The following LRFN2 variants were observed in gnomAD, a reference collection of about 807,000 sequenced individuals.
LRFN2 encodes the protein leucine-rich repeat and fibronectin type-III domain-containing protein 2.
LRFN2 carries 18 observed loss-of-function variants against 37.3 expected under a neutral mutation model. The ratio of observed to expected loss-of-function variants is 0.48; its 90% CI spans 0.33 to 0.72. The LOEUF is 0.72. Ranked by LOEUF, LRFN2 falls within the 30% of genes least tolerant of loss-of-function variation. LRFN2 has a pLI of 0.02. For missense variants in LRFN2, 1,006 were observed against 1,060.7 expected (o/e 0.95, Z 0.72); for synonymous variants, 556 against 466.6 (o/e 1.19, Z -2.47).
chr6:40,484,845 G>A (rs1764917698), intron 1 of LRFN2, among the ~76,000 whole-genome samples: 1 of 152,234 alleles, frequency 6.6e-6, no homozygotes, highest in African/African-American at 2.4e-5. Context: ...CCAGGTGAGA[G>A]TTGCCCAGGT....
At chr6:40,412,771 A>G (rs1021932589) in intron 2 of LRFN2, among the ~76,000 whole-genome samples, 4 of 152,178 alleles carry the variant, frequency 2.6e-5, no homozygotes, top group Non-Finnish European at 5.9e-5. Flanking sequence ...TGTGGAATTG[A>G]CATTCTCTGT....
At chr6:40,450,688 T>A (rs1389040933) in intron 1 of LRFN2, among the ~76,000 whole-genome samples, 3 of 152,206 alleles carry the variant, frequency 2.0e-5, no homozygotes, top group Non-Finnish European at 2.9e-5. Context: ...TGACAGAACA[T>A]TTACTGAGAA....
At chr6:40,548,913 T>C (rs528109668) in intron 1 of LRFN2, among the ~76,000 whole-genome samples, 95 of 152,244 alleles carry the variant, frequency 6.2e-4, no homozygotes, top group African/African-American at 2.3e-3. Context: ...ATACTTGAGG[T>C]CCACACCACT....
At chr6:40,558,508 T>C (rs1276721879) in intron 1 of LRFN2, among the ~76,000 whole-genome samples, 1 of 152,070 alleles carries the variant, frequency 6.6e-6, no homozygotes, top group Non-Finnish European at 1.5e-5. Context: ...GTCAGTGAGC[T>C]GAGGGTGAAA....
intron 1 of LRFN2, among the ~76,000 whole-genome samples, chr6:40,580,652 C>T (rs1184641482): frequency 6.6e-6 from 1 of 152,158 alleles, no homozygotes; most frequent in East Asian, 1.9e-4. Context: ...ATAGGAATGA[C>T]AGAAGGCCAT....
chr6:40,429,014 A>G (rs1300135857), intron 2 of LRFN2, among the ~76,000 whole-genome samples: 6 of 152,136 alleles, frequency 3.9e-5, no homozygotes. Flanking sequence ...AATAATCTGT[A>G]TTCCTTGAGT....
intron 1 of LRFN2, among the ~76,000 whole-genome samples, chr6:40,447,623 TC>T (rs1377274711): frequency 2.6e-5 from 4 of 152,262 alleles, no homozygotes; most frequent in Non-Finnish European, 4.4e-5. Flanking sequence ...ATCATCATCA[TC>T]ATGAAATGGT....
At chr6:40,577,061 G>C (rs763359770) in intron 1 of LRFN2, among the ~76,000 whole-genome samples, 1 of 88,932 alleles carries the variant, frequency 1.1e-5, no homozygotes, top group Non-Finnish European at 2.5e-5. Context: ...CCTCTTCTGG[G>C]TCCTGGTCCA....
At position 40,391,768 on chromosome 6, in the gene LRFN2, G is replaced by A. The variant is rs1359205323; in HGVS notation, c.*175C>T. 4 of 556,604 alleles carry A rather than the reference G, an allele frequency of 7.2e-6. No homozygotes were observed. Among genetic ancestry groups the A allele is most frequent in the South Asian group, 7.5e-5 (2 of 26,838 alleles). The allele number at this position is 556,604 out of a possible 1,614,324, so 34.5% of individuals were successfully genotyped here. A position where few individuals can be genotyped will look rare whatever the true frequency, so the allele number is the denominator to read the frequency against. On this transcript the variant is annotated 3_prime_UTR_variant, in exon 3 of 3. Transcript: ENST00000338305. ...TTCCCTGAGCACACCCCGGCCGGGTGGTGGGGAGGTGATGTGGGTGTTGCG... is the reference window on the plus strand; with the variant it reads ...TTCCCTGAGCACACCCCGGCCGGGTAGTGGGGAGGTGATGTGGGTGTTGCG...
intron 1 of LRFN2, among the ~76,000 whole-genome samples, chr6:40,581,530 C>T (rs1187515914): frequency 6.6e-6 from 1 of 152,184 alleles, no homozygotes; most frequent in Non-Finnish European, 1.5e-5. Context: ...ACCCCAGATC[C>T]CCATCCATCC....
chr6:40,432,289 G>A lies in LRFN2; in HGVS notation c.825C>T (p.Tyr275=), dbSNP rs1763517130. The A allele has an allele frequency of 2.5e-6, 4 of 1,614,124 alleles. No individual in the cohort carries two copies. The highest frequency in any genetic ancestry group is 3.4e-6 in the Non-Finnish European group (4 of 1,180,036). ...CGSPGGLKGR[Y]FWHVREEEFV... is the part of the protein sequence containing the mutation. Reference sequence around the variant, plus strand: ...ACTCCTCCTCACGCACATGCCAGAAGTAGCGACCCTTGAGGCCCCCTGGGG... The same window carrying A: ...ACTCCTCCTCACGCACATGCCAGAAATAGCGACCCTTGAGGCCCCCTGGGG... The change falls in exon 2 of 3, where the codon TAC becomes TAT. Residue 275 remains tyrosine (Y), a synonymous_variant. Coordinates refer to ENST00000338305, the MANE Select transcript of LRFN2 (RefSeq NM_020737.3).
chr6:40,442,119 C>G (rs1381179081), intron 1 of LRFN2, among the ~76,000 whole-genome samples: 1 of 152,188 alleles, frequency 6.6e-6, no homozygotes, highest in African/African-American at 2.4e-5. Flanking sequence ...CCAGCACCCT[C>G]TACCCTCCAA....
chr6:40,530,174 C>A (rs529808174), intron 1 of LRFN2, among the ~76,000 whole-genome samples: 1 of 152,268 alleles, frequency 6.6e-6, no homozygotes, highest in South Asian at 2.1e-4. Context: ...TCTGTGCCAC[C>A]CAAGCATACA....
At chr6:40,569,081 G>A (rs1767141548) in intron 1 of LRFN2, among the ~76,000 whole-genome samples, 1 of 152,204 alleles carries the variant, frequency 6.6e-6, no homozygotes, top group South Asian at 2.1e-4. Flanking sequence ...GCCTTCCAAA[G>A]GCAGCTCTGG....
rs201921958 is a variant in LRFN2 at position 40,432,790 on chromosome 6, G to C, written c.324C>G (p.Asp108Glu). Residue 108 changes from aspartate to glutamate, a missense_variant, in exon 2 of 3, where the codon GAC becomes GAG. Around this residue, in one of 4 missense-constraint regions of LRFN2, gnomAD observed 185 missense variants for 254.9 expected, o/e 0.73. Coordinates refer to ENST00000338305, the MANE Select transcript of LRFN2 (RefSeq NM_020737.3). ...DLESLRSLHL[D>E]SNRLPSLGED... is the part of the protein sequence containing the mutation. ...CCCCAAGGCTTGGCAGCCGATTGCT[G>C]TCAAGATGCAGGGAGCGGAGGCTCT... The C allele has an allele frequency of 1.2e-6, 2 of 1,614,224 alleles. No homozygotes were observed. The highest frequency in any genetic ancestry group is 2.2e-5 in the South Asian group (2 of 91,088).
chr6:40,565,395 A>G (rs1009625380), intron 1 of LRFN2, among the ~76,000 whole-genome samples: 2 of 152,328 alleles, frequency 1.3e-5, no homozygotes, highest in Admixed American at 1.3e-4. Context: ...TTTAAAGTTC[A>G]TATGGAACCA....
At chr6:40,575,741 C>T (rs557790087) in intron 1 of LRFN2, among the ~76,000 whole-genome samples, 1 of 152,094 alleles carries the variant, frequency 6.6e-6, no homozygotes, top group African/African-American at 2.4e-5. Context: ...TCAGGGATCA[C>T]AGCACGTGAC....
chr6:40,491,403 C>T (rs1765091191), intron 1 of LRFN2, among the ~76,000 whole-genome samples: 2 of 152,214 alleles, frequency 1.3e-5, no homozygotes, highest in South Asian at 4.1e-4. Context: ...CCTAGAAGTG[C>T]CAAAGAAAGA....
At chr6:40,446,073 G>A (rs754852718) in intron 1 of LRFN2, among the ~76,000 whole-genome samples, 2 of 152,206 alleles carry the variant, frequency 1.3e-5, no homozygotes, top group South Asian at 4.1e-4. Flanking sequence ...AAGCTGAAAT[G>A]TAAAACATGT....
Sources: allele counts gnomAD v4.1 joint callset (sites outside exome capture counted in the v4.1 genomes callset), GRCh38; gene constraint gnomAD v4.1.1; regional missense constraint gnomAD v4.1.1; transcripts MANE v1.5; gene names NCBI Gene and HGNC (gene_info 2026-07-23, HGNC 2026-07-21).